SNTB1: variants seen among roughly 807,000 people sequenced by gnomAD.
The protein encoded by SNTB1 is syntrophin beta 1.
Under a neutral mutation model 48.9 loss-of-function variants are expected in SNTB1, and 36 were observed. That is an observed-to-expected ratio of 0.74 (90% CI 0.56 to 0.97). SNTB1 has a LOEUF of 0.97. SNTB1 is among the 50% of genes least tolerant of loss of function. The probability of loss-of-function intolerance (pLI) is 0.00; values close to 1 mark genes in which losing one functional copy is unlikely to be tolerated. For synonymous variants in SNTB1, 299 were observed against 294.6 expected (o/e 1.01, Z -0.15); for missense variants, 786 against 703.4 (o/e 1.12, Z -1.33).
intron 1 of SNTB1, among the ~76,000 whole-genome samples, chr8:120,714,476 T>C (rs1818523161): frequency 1.3e-5 from 2 of 151,622 alleles, no homozygotes; most frequent in Admixed American, 1.3e-4. Context: ...TGGAGATATA[T>C]AAAGTCCTTT....
chr8:120,602,326 CTGTT>C (rs1217268646), intron 3 of SNTB1, among the ~76,000 whole-genome samples: 1 of 152,190 alleles, frequency 6.6e-6, no homozygotes, highest in Non-Finnish European at 1.5e-5. Flanking sequence ...TGGTATGCCA[CTGTT>C]TGGTCAAATA....
At chr8:120,809,470 C>G (rs1820391152) in intron 1 of SNTB1, among the ~76,000 whole-genome samples, 1 of 152,036 alleles carries the variant, frequency 6.6e-6, no homozygotes, top group South Asian at 2.1e-4. Context: ...AGTTTATTTT[C>G]AATTGCAGAG....
At chr8:120,661,691 C>T (rs1444367156) in intron 2 of SNTB1, among the ~76,000 whole-genome samples, 1 of 152,158 alleles carries the variant, frequency 6.6e-6, no homozygotes, top group Non-Finnish European at 1.5e-5. Context: ...TGTCCCCCTC[C>T]CTGTGTCCAT....
intron 1 of SNTB1, among the ~76,000 whole-genome samples, chr8:120,791,840 C>T (rs1421942555): frequency 6.6e-6 from 1 of 151,886 alleles, no homozygotes; most frequent in African/African-American, 2.4e-5. Flanking sequence ...AAATGGAACA[C>T]TTATACACTG....
At chr8:120,718,572 C>G (rs1818601571) in intron 1 of SNTB1, among the ~76,000 whole-genome samples, 1 of 152,174 alleles carries the variant, frequency 6.6e-6, no homozygotes, top group African/African-American at 2.4e-5. Context: ...GACCTCCATT[C>G]ATACTCATGT....
chr8:120,550,651 A>G (rs529480376), intron 4 of SNTB1, among the ~76,000 whole-genome samples: 37 of 152,208 alleles, frequency 2.4e-4, no homozygotes, highest in African/African-American at 8.9e-4. Flanking sequence ...TGCCCACACA[A>G]GGGGATTTAA....
chr8:120,771,124 C>T (rs1819619734), intron 1 of SNTB1, among the ~76,000 whole-genome samples: 1 of 152,046 alleles, frequency 6.6e-6, no homozygotes, highest in East Asian at 1.9e-4. Context: ...GATTTGTGGG[C>T]GGAACAGAAT....
intron 4 of SNTB1, among the ~76,000 whole-genome samples, chr8:120,552,081 G>A (rs1815490389): frequency 1.3e-5 from 2 of 152,158 alleles, no homozygotes; most frequent in Admixed American, 6.5e-5. Context: ...AGAGGCAGAA[G>A]CAAAGTGAGA....
chr8:120,611,189 G>A (rs932631119), intron 3 of SNTB1, among the ~76,000 whole-genome samples: 5 of 152,280 alleles, frequency 3.3e-5, no homozygotes, highest in Admixed American at 1.3e-4. Flanking sequence ...AATTGATGCT[G>A]GTTGTTAGGC....
In SNTB1 at chr8:120,538,836, A is replaced by T; in HGVS notation, c.*41T>A. The T allele has an allele frequency of 6.6e-7, 1 of 1,504,128 alleles. No homozygotes were observed. The highest frequency in any genetic ancestry group is 1.4e-5 in the African/African-American group (1 of 72,798). 93.2% of individuals were successfully genotyped at this position (1,504,128 alleles called of 1,614,324 possible). A position where few individuals can be genotyped will look rare whatever the true frequency, so the allele number is the denominator to read the frequency against. ...GTCTGACATCACGTTCTCTGGTGGC[A>T]TTGCAGCCCTTCTTTTCTCAAAGGC... On this transcript the variant is annotated 3_prime_UTR_variant, in exon 7 of 7. Transcript: ENST00000517992.
intron 1 of SNTB1, among the ~76,000 whole-genome samples, chr8:120,720,332 G>T (rs1022141206): frequency 1.3e-5 from 2 of 152,244 alleles, no homozygotes; most frequent in African/African-American, 4.8e-5. Context: ...AGAAAGGATA[G>T]ATTTACGTGC....
chr8:120,776,222 C>T (rs1371380174), intron 1 of SNTB1: 1 of 152,214 alleles, frequency 6.6e-6, no homozygotes, highest in Non-Finnish European at 1.5e-5. Context: ...CTCACTGTGC[C>T]GTGAACTGCC....
intron 1 of SNTB1, among the ~76,000 whole-genome samples, chr8:120,799,130 C>T (rs1215288144): frequency 2.0e-5 from 3 of 152,014 alleles, no homozygotes; most frequent in Non-Finnish European, 4.4e-5. Flanking sequence ...TCTAGAGGGA[C>T]TGAGCAACTA....
At chr8:120,771,436 A>G (rs1019541227) in intron 1 of SNTB1, among the ~76,000 whole-genome samples, 4 of 152,210 alleles carry the variant, frequency 2.6e-5, no homozygotes, top group Admixed American at 2.0e-4. Context: ...TTTAGGAAAA[A>G]CGTATAAAAA....
chr8:120,650,503 A>G (rs1275777421), intron 2 of SNTB1, among the ~76,000 whole-genome samples: 1 of 152,084 alleles, frequency 6.6e-6, no homozygotes, highest in Non-Finnish European at 1.5e-5. Flanking sequence ...AAAGGGAGAG[A>G]AGAAAGGTCT....
chr8:120,685,466 C>T (rs921095813), intron 2 of SNTB1, among the ~76,000 whole-genome samples: 4 of 152,306 alleles, frequency 2.6e-5, no homozygotes, highest in Admixed American at 1.3e-4. Context: ...GCAGCCTAAG[C>T]CATGCCTGGG....
chr8:120,685,493 C>A (rs1216449158), intron 2 of SNTB1, among the ~76,000 whole-genome samples: 1 of 152,216 alleles, frequency 6.6e-6, no homozygotes, highest in Non-Finnish European at 1.5e-5. Flanking sequence ...TGAGCCACAA[C>A]TGGGGCAGCC....
intron 4 of SNTB1, among the ~76,000 whole-genome samples, chr8:120,555,967 C>T (rs959033035): frequency 6.6e-6 from 1 of 152,166 alleles, no homozygotes; most frequent in Non-Finnish European, 1.5e-5. Context: ...CTTGGACTTC[C>T]AGCCTCCAGA....
intron 4 of SNTB1, among the ~76,000 whole-genome samples, chr8:120,567,486 T>C (rs1229282512): frequency 6.7e-6 from 1 of 149,146 alleles, no homozygotes; most frequent in Non-Finnish European, 1.5e-5. Context: ...AGTGGTGCCA[T>C]CATAGCTCAT....
Sources: gnomAD v4.1 joint callset for allele counts (sites outside exome capture counted in the v4.1 genomes callset) on GRCh38, gnomAD v4.1.1 for gene constraint, MANE v1.5 for transcripts, NCBI Gene and HGNC (gene_info 2026-07-23, HGNC 2026-07-21) for gene names.